MCC: variants seen among roughly 807,000 people sequenced by gnomAD.
MCC encodes the protein colorectal mutant cancer protein.
A neutral mutation model predicts 116.2 loss-of-function variants in MCC; 90 were observed. The ratio of observed to expected loss-of-function variants is 0.77; its 90% confidence interval spans 0.65 to 0.92. The LOEUF (loss-of-function observed/expected upper bound fraction) is 0.92. Ranked by LOEUF, MCC falls within the 40% of genes least tolerant of loss-of-function variation. The pLI is 0.00. For missense variants in MCC, 1,516 were observed against 1,312.2 expected (o/e 1.16, Z -2.40); for synonymous variants, 578 against 510.5 (o/e 1.13, Z -1.78).
intron 1 of MCC, among the ~76,000 whole-genome samples, chr5:113,474,503 G>A (rs1003445393): frequency 7.2e-5 from 11 of 152,180 alleles, no homozygotes; most frequent in Admixed American, 2.6e-4. Context: ...TGGAGTCACC[G>A]TGCCAGACAG....
rs1329064465 is a variant in MCC at position 113,086,688 on chromosome 5, C to T, written c.1399-1378G>A. On this transcript the variant is annotated intron_variant, in intron 8 of 18. Transcript: ENST00000408903. ...GAGATTGGTCTTTTATAACCTTGGT[C>T]GCAGTTTCAGCATGAGAGTGCAGTG... Among the ~76,000 whole-genome samples, 3 of 152,200 alleles carry T rather than the reference C, an allele frequency of 2.0e-5. No homozygotes were observed. The South Asian group carries it at 6.2e-4, about 32-fold the overall frequency.
chr5:113,053,089 T>C (rs933438519), intron 15 of MCC, among the ~76,000 whole-genome samples: 3 of 152,204 alleles, frequency 2.0e-5, no homozygotes, highest in African/African-American at 7.2e-5. Flanking sequence ...GTTGTAGGTA[T>C]GGCGGTTTAA....
In MCC at chr5:113,471,782, C is replaced by A. The variant is rs527498009; in HGVS notation, c.170+16463G>T. 3.7e-3 allele frequency among the ~76,000 whole-genome samples: 303 copies of A among 82,658 alleles called. 4 individuals carry two copies. The highest frequency in any genetic ancestry group is 0.012 in the African/African-American group (288 of 23,776). 54.2% of individuals were successfully genotyped at this position (82,658 alleles called of 152,430 possible). A position where few individuals can be genotyped will look rare whatever the true frequency, so the allele number is the denominator to read the frequency against. ...TGCCCCCAGAGAGGCAGGCAGGCCT[C>A]CTTGAGCTGTGGTGGGCTCCACCCA... On this transcript the variant is annotated intron_variant, in intron 1 of 18. Coordinates refer to ENST00000408903, the MANE Select transcript of MCC (RefSeq NM_001085377.2).
intron 6 of MCC, among the ~76,000 whole-genome samples, chr5:113,116,606 T>G (rs1005014677): frequency 2.6e-5 from 4 of 152,234 alleles, no homozygotes; most frequent in Admixed American, 6.5e-5. Context: ...CATTTCCATC[T>G]TATACCCCAA....
intron 1 of MCC, among the ~76,000 whole-genome samples, chr5:113,398,741 G>A (rs1311822483): frequency 6.6e-6 from 1 of 152,194 alleles, no homozygotes; most frequent in Non-Finnish European, 1.5e-5. Context: ...TTCACTATCT[G>A]GGTCATGGGT....
chr5:113,406,921 G>A (rs1042086970), intron 1 of MCC, among the ~76,000 whole-genome samples: 2 of 152,130 alleles, frequency 1.3e-5, no homozygotes, highest in South Asian at 2.1e-4. Context: ...TACACCCCTT[G>A]AGCCTGGCCC....
chr5:113,112,402 T>C (rs1327101146), intron 6 of MCC, among the ~76,000 whole-genome samples: 1 of 152,136 alleles, frequency 6.6e-6, no homozygotes, highest in Non-Finnish European at 1.5e-5. Flanking sequence ...TGTTTAAAAG[T>C]GTGTAGCACC....
At chr5:113,250,821 A>G (rs527289010) in intron 3 of MCC, among the ~76,000 whole-genome samples, 1 of 152,254 alleles carries the variant, frequency 6.6e-6, no homozygotes, top group African/African-American at 2.4e-5. Context: ...CATTCTGATG[A>G]CTGGAAATCT....
chr5:113,325,145 A>G (rs1162728741), intron 3 of MCC, among the ~76,000 whole-genome samples: 2 of 152,066 alleles, frequency 1.3e-5, no homozygotes, highest in Admixed American at 1.3e-4. Flanking sequence ...CAGCCCTGGA[A>G]CCATTTTTAT....
In MCC at chr5:113,287,334, ACTT is replaced by A. The variant is rs141651513; in HGVS notation, c.627+53182_627+53184del. ...ACTAACTTTGAAATCTTCATCAACA[ACTT>A]CTTTTTTTTGAGACAGAGTCTCGCT... On this transcript the variant is annotated intron_variant, in intron 3 of 18. Coordinates refer to ENST00000408903, the MANE Select transcript of MCC (RefSeq NM_001085377.2). Among the ~76,000 whole-genome samples the A allele has an allele frequency of 4.0e-3, 601 of 151,934 alleles. 4 individuals are homozygous for A. Among genetic ancestry groups the A allele is most frequent in the African/African-American group, 0.013 (557 of 41,448 alleles).
At chr5:113,474,779 A>T (rs1772193746) in intron 1 of MCC, among the ~76,000 whole-genome samples, 1 of 152,194 alleles carries the variant, frequency 6.6e-6, no homozygotes, top group Non-Finnish European at 1.5e-5. Flanking sequence ...GCCTATAATA[A>T]ATATAAAATT....
At chr5:113,127,565 G>C (rs2197278) in intron 5 of MCC, among the ~76,000 whole-genome samples, 26,883 of 152,058 alleles carry the variant, frequency 0.18, 3,863 homozygotes, top group African/African-American at 0.39. Context: ...GAGATGGTGT[G>C]TCACTGTGGT....
At chr5:113,056,233 T>A (rs982148567) in intron 14 of MCC, among the ~76,000 whole-genome samples, 1 of 152,168 alleles carries the variant, frequency 6.6e-6, no homozygotes, top group African/African-American at 2.4e-5. Context: ...AAAATGAAGG[T>A]AATCATAGTA....
At position 113,064,039 on chromosome 5, in the gene MCC, C is replaced by T. The variant is rs374053773; in HGVS notation, c.2158G>A (p.Val720Met). 272 of 1,613,992 alleles carry T rather than the reference C, an allele frequency of 1.7e-4. No individual in the cohort carries two copies. Among genetic ancestry groups the T allele is most frequent in the African/African-American group, 3.9e-4 (29 of 74,942 alleles). The change falls in exon 14 of 19, where the codon GTG becomes ATG. Residue 720 changes from valine to methionine, a missense_variant. Val to Met is a conservative substitution (Grantham distance 21). Coordinates refer to ENST00000408903, the MANE Select transcript of MCC (RefSeq NM_001085377.2). ...LDGSCGGAFA[V>M]AGCSVQPWES... ...CAGGGCTGCACGCTGCAGCCGGCCA[C>T]GGCAAAGGCTCCCCCACAGCTGCCG...
chr5:113,086,492 A>C lies in MCC; in HGVS notation c.1399-1182T>G, dbSNP rs565329247. Among the ~76,000 whole-genome samples, 27 of 152,318 alleles carry C rather than the reference A, an allele frequency of 1.8e-4. 1 individual carries two copies. Among genetic ancestry groups the C allele is most frequent in the Admixed American group, 7.2e-4 (11 of 15,302 alleles). On this transcript the variant is annotated intron_variant, in intron 8 of 18. Coordinates refer to ENST00000408903, the MANE Select transcript of MCC (RefSeq NM_001085377.2). ...GATTTTCCCTGGAATAGTAGGTAGG[A>C]ACGTCTAAATAGTCCTTCTATATAA...
chr5:113,127,428 C>T (rs1758125103), intron 5 of MCC, among the ~76,000 whole-genome samples: 1 of 152,206 alleles, frequency 6.6e-6, no homozygotes, highest in South Asian at 2.1e-4. Context: ...AATTGCCATA[C>T]TGTTTCCCAC....
intron 3 of MCC, among the ~76,000 whole-genome samples, chr5:113,174,514 A>G (rs1056463357): frequency 2.6e-5 from 4 of 152,198 alleles, no homozygotes; most frequent in African/African-American, 7.2e-5. Flanking sequence ...AAATACACTG[A>G]CATATCCATA....
In MCC at chr5:113,488,353, C is replaced by CCGA. The variant is rs2150439439; in HGVS notation, c.61_62insTCG (p.Gly20_Gly21insVal). ...GCTGCTGCTGCTGCTGCTGCCGCTG[C>CCGA]CGCCGCCGCCGCCGCCGCTGCTGGA... On this transcript the variant is annotated inframe_insertion, in exon 1 of 19. Transcript: ENST00000408903. 1 of 1,392,708 alleles carries CCGA rather than the reference C, an allele frequency of 7.2e-7. No individual in the cohort carries two copies. Among genetic ancestry groups the CCGA allele is most frequent in the Non-Finnish European group, 9.6e-7 (1 of 1,045,822 alleles). 86.3% of individuals were successfully genotyped at this position (1,392,708 alleles called of 1,614,324 possible).
chr5:113,191,537 G>A (rs557079270), intron 3 of MCC, among the ~76,000 whole-genome samples: 1 of 152,282 alleles, frequency 6.6e-6, no homozygotes, highest in East Asian at 1.9e-4. Flanking sequence ...GCTGAGCAAA[G>A]GGGAGAAACA....
Sources: gnomAD v4.1 joint callset for allele counts (sites outside exome capture counted in the v4.1 genomes callset) on GRCh38, gnomAD v4.1.1 for gene constraint, MANE v1.5 for transcripts, NCBI Gene and HGNC (gene_info 2026-07-23, HGNC 2026-07-21) for gene names.